GALNT13: variants seen among roughly 807,000 people sequenced by gnomAD.
The protein encoded by GALNT13 is polypeptide N-acetylgalactosaminyltransferase 13.
A neutral mutation model predicts 64.2 loss-of-function variants in GALNT13; 28 were observed. That is an observed-to-expected ratio of 0.44 (90% CI 0.32 to 0.60). GALNT13 has a LOEUF of 0.60. Among genes scored for constraint, GALNT13 ranks in the 20% least tolerant of loss-of-function variants. The pLI, the probability that GALNT13 is intolerant of heterozygous loss-of-function variation, is 0.05. For missense variants in GALNT13, 577 were observed against 669.8 expected (o/e 0.86, Z 1.53); for synonymous variants, 214 against 224.6 (o/e 0.95, Z 0.42).
intron 1 of GALNT13, among the ~76,000 whole-genome samples, chr2:153,889,407 C>T (rs957327450): frequency 6.6e-6 from 1 of 151,930 alleles, no homozygotes; most frequent in African/African-American, 2.4e-5. Flanking sequence ...GCCTTCCTGA[C>T]ACTCTTTTAT....
At chr2:153,987,250 G>A (rs1208392824) in intron 3 of GALNT13, among the ~76,000 whole-genome samples, 6 of 151,902 alleles carry the variant, frequency 3.9e-5, no homozygotes, top group Non-Finnish European at 8.8e-5. Flanking sequence ...TCTGTGGGAA[G>A]AAGAATTGGC....
the GALNT13 span, among the ~76,000 whole-genome samples, chr2:153,323,670 G>T: frequency 1.3e-5 from 2 of 152,262 alleles, no homozygotes; most frequent in East Asian, 3.9e-4. Context: ...ATTGTATAAG[G>T]TGTAAGGAAG....
At chr2:154,327,297 A>G (rs1352430125) in intron 9 of GALNT13, among the ~76,000 whole-genome samples, 5 of 152,088 alleles carry the variant, frequency 3.3e-5, no homozygotes, top group African/African-American at 9.7e-5. Context: ...CTGTGAGTCA[A>G]CTAAACCTCC....
chr2:153,493,295 G>C, the GALNT13 span, among the ~76,000 whole-genome samples: 1 of 151,798 alleles, frequency 6.6e-6, no homozygotes, highest in Admixed American at 6.6e-5. Context: ...CAGAGAGAGA[G>C]AAAAGGAGGG....
At chr2:154,147,381 T>TATA (rs1683673748) in intron 4 of GALNT13, among the ~76,000 whole-genome samples, 2 of 144,248 alleles carry the variant, frequency 1.4e-5, no homozygotes, top group African/African-American at 5.1e-5. Context: ...GAATGGAATT[T>TATA]TATATATATA....
the GALNT13 span, among the ~76,000 whole-genome samples, chr2:153,515,423 T>C: frequency 6.6e-6 from 1 of 152,192 alleles, no homozygotes; most frequent in Non-Finnish European, 1.5e-5. Flanking sequence ...ATCTGCGAAA[T>C]TCCTAGAATA....
chr2:154,435,268 T>A (rs1278843142), intron 11 of GALNT13, among the ~76,000 whole-genome samples: 1 of 152,142 alleles, frequency 6.6e-6, no homozygotes, highest in Admixed American at 6.5e-5. Context: ...AATGAATGAA[T>A]CAATCTTGTA....
At chr2:153,957,494 G>A (rs1235202258) in intron 3 of GALNT13, among the ~76,000 whole-genome samples, 2 of 152,162 alleles carry the variant, frequency 1.3e-5, no homozygotes, top group Admixed American at 6.5e-5. Flanking sequence ...ACAGTTTGTG[G>A]GGGCTAGTAG....
chr2:154,340,746 T>C (rs1305173609), intron 9 of GALNT13, among the ~76,000 whole-genome samples: 1 of 152,140 alleles, frequency 6.6e-6, no homozygotes, highest in Non-Finnish European at 1.5e-5. Context: ...CTAAAAAGAT[T>C]AGTGTAAAAA....
chr2:153,080,810 A>C, the GALNT13 span, among the ~76,000 whole-genome samples: 1 of 152,080 alleles, frequency 6.6e-6, no homozygotes, highest in Non-Finnish European at 1.5e-5. Context: ...TGTTACTGGG[A>C]ACAGAAATTT....
At chr2:154,246,505 T>C (rs1689787363) in intron 7 of GALNT13, among the ~76,000 whole-genome samples, 2 of 152,106 alleles carry the variant, frequency 1.3e-5, no homozygotes, top group Admixed American at 1.3e-4. Context: ...TAAGTTGAAA[T>C]CCTGATTAGT....
chr2:153,825,607 G>GGTGTGTGTGTGTGTGTGTGT, the GALNT13 span, among the ~76,000 whole-genome samples: 2 of 114,826 alleles, frequency 1.7e-5, no homozygotes, highest in African/African-American at 7.0e-5. Flanking sequence ...TTCCATGAGT[G>GGTGTGTGTGTGTGTGTGTGT]CTGTGTGTGT....
chr2:153,391,662 A>G, the GALNT13 span, among the ~76,000 whole-genome samples: 10 of 152,022 alleles, frequency 6.6e-5, no homozygotes, highest in African/African-American at 2.4e-4. Context: ...AATAAAATGA[A>G]TTTTCAAAAT....
chr2:154,222,870 A>C (rs1488868420), intron 4 of GALNT13, among the ~76,000 whole-genome samples: 2 of 152,136 alleles, frequency 1.3e-5, no homozygotes, highest in African/African-American at 4.8e-5. Context: ...AAGAGAGACA[A>C]ACTTTTTCTT....
the GALNT13 span, among the ~76,000 whole-genome samples, chr2:153,156,609 C>A: frequency 6.6e-6 from 1 of 152,114 alleles, no homozygotes; most frequent in East Asian, 1.9e-4. Context: ...TGTTTTCTTT[C>A]TTTTAGATTT....
chr2:154,020,012 C>G (rs1284989986), intron 3 of GALNT13, among the ~76,000 whole-genome samples: 1 of 152,124 alleles, frequency 6.6e-6, no homozygotes, highest in African/African-American at 2.4e-5. Context: ...TCATCCATGT[C>G]TCTACAAAGG....
At chr2:154,327,235 T>C (rs1207231617) in intron 9 of GALNT13, among the ~76,000 whole-genome samples, 1 of 152,082 alleles carries the variant, frequency 6.6e-6, no homozygotes. Flanking sequence ...GAAGGTCGCC[T>C]TTGCCTTCCA....
intron 9 of GALNT13, among the ~76,000 whole-genome samples, chr2:154,365,631 T>C (rs1697323940): frequency 6.6e-6 from 1 of 152,208 alleles, no homozygotes; most frequent in Non-Finnish European, 1.5e-5. Flanking sequence ...TATAGATGAA[T>C]TGAGACTTGA....
chr2:153,112,861 C>G, the GALNT13 span, among the ~76,000 whole-genome samples: 1 of 151,912 alleles, frequency 6.6e-6, no homozygotes, highest in African/African-American at 2.4e-5. Flanking sequence ...TAGTTTTAAT[C>G]TATATAAGAA....
Sources: allele counts gnomAD v4.1 joint callset (sites outside exome capture counted in the v4.1 genomes callset), GRCh38; gene constraint gnomAD v4.1.1; transcripts MANE v1.5; gene names NCBI Gene and HGNC (gene_info 2026-07-23, HGNC 2026-07-21).